Variants in ARMC6 observed in about 807,000 individuals in gnomAD.
ARMC6 encodes the protein armadillo repeat-containing protein 6.
In ARMC6, 43 loss-of-function variants were observed where a neutral mutation model predicts 49.2. That is an observed-to-expected ratio of 0.87 (90% confidence interval 0.69 to 1.13). ARMC6 has a LOEUF of 1.13. Among genes scored for constraint, ARMC6 ranks in the 50% most tolerant of loss-of-function variants. ARMC6 has a pLI of 0.00. For synonymous variants in ARMC6, 262 were observed against 289.6 expected (o/e 0.90, Z 0.97); for missense variants, 627 against 682.0 (o/e 0.92, Z 0.90).
rs2059541228 is a variant in ARMC6, at chr19:19,055,970, ATG to A, written c.1293+45_1293+46del. 1 of 1,582,330 alleles carries A rather than the reference ATG, an allele frequency of 6.3e-7. No individual in the cohort carries two copies. The highest frequency in any genetic ancestry group is 1.1e-5 in the South Asian group (1 of 89,020). ...ATGGGGGCAGGCAGGCTGGTGTGGG[ATG>A]TGCAGGTAGGTGCAGAGAGGGCATG... is the stretch of plus-strand genomic sequence containing the variant. On this transcript the variant is annotated intron_variant, in intron 8 of 8. Coordinates refer to ENST00000535612, the MANE Select transcript of ARMC6 (RefSeq NM_001199196.2). This position sits in a 1 kb window ranked among gnomAD's most constrained non-coding sequence, Gnocchi z 5.7.
At chr19:19,054,411 C>G (rs1363047092) in intron 6 of ARMC6, 90 bp downstream of exon 6, 1 of 1,319,708 alleles carries the variant, frequency 7.6e-7, no homozygotes, top group African/African-American at 1.5e-5. Context: ...GCCCTGCCTG[C>G]CAGTGTCGGA....
chr19:19,052,912 C>G (rs1252197683), intron 5 of ARMC6, among the ~76,000 whole-genome samples: 1 of 152,212 alleles, frequency 6.6e-6, no homozygotes, highest in East Asian at 1.9e-4. Flanking sequence ...TCCCGACCTT[C>G]TGCAAAGTCA....
rs1331329589 is a variant in ARMC6, at chr19:19,052,116, C to T, written c.774C>T (p.Pro258=). 4 of 1,613,918 alleles carry T rather than the reference C, an allele frequency of 2.5e-6. No individual in the cohort carries two copies. Among genetic ancestry groups the T allele is most frequent in the Non-Finnish European group, 3.4e-6 (4 of 1,180,038 alleles). ...VMTFDDDIRV[P]FGHAHNHAKM... is the part of the protein sequence containing the mutation. ...CCTTCGATGACGACATCCGTGTGCCCTTTGGCCATGCCCACAACCATGCCA... is the reference window on the plus strand; with the variant it reads ...CCTTCGATGACGACATCCGTGTGCCTTTTGGCCATGCCCACAACCATGCCA... Residue 258 remains proline, a synonymous_variant, in exon 5 of 9, where the codon CCC becomes CCT. Coordinates refer to ENST00000535612, the MANE Select transcript of ARMC6 (RefSeq NM_001199196.2).
In ARMC6 at chr19:19,055,480, C is replaced by T. The variant is rs554420215; in HGVS notation, c.1155+84C>T. ...TTCTGTATCTGCATGAAGCTCTATT[C>T]CCCTGCAGGGCCAGGGCAGGGCTGG... On this transcript the variant is annotated intron_variant, in intron 7 of 8. Coordinates refer to ENST00000535612, the MANE Select transcript of ARMC6 (RefSeq NM_001199196.2). The surrounding 1 kb of genome is among the most constrained non-coding windows in gnomAD (Gnocchi z 5.7). 7.2e-5 allele frequency: 108 copies of T among 1,503,068 alleles called. No individual in the cohort carries two copies. The South Asian group carries it at 1.3e-3, about 18-fold the overall frequency. 93.1% of individuals were successfully genotyped at this position (1,503,068 alleles called of 1,614,324 possible).
chr19:19,045,796 C>T (rs997903817), intron 4 of ARMC6, among the ~76,000 whole-genome samples: 14 of 151,910 alleles, frequency 9.2e-5, no homozygotes, highest in Admixed American at 7.9e-4. Context: ...GGACTACAGG[C>T]GCCCGCCACC....
At chr19:19,056,366 A>C (rs1300953532) in intron 8 of ARMC6, among the ~76,000 whole-genome samples, 1 of 149,694 alleles carries the variant, frequency 6.7e-6, no homozygotes, top group Non-Finnish European at 1.5e-5. Flanking sequence ...GGTTCAAGCG[A>C]TTCTCCTGTC....
In ARMC6 at chr19:19,043,878, A is replaced by G. The variant is rs554222137; in HGVS notation, c.197-114A>G. On this transcript the variant is annotated intron_variant, in intron 3 of 8. Transcript: ENST00000535612. Reference sequence around the variant, plus strand: ...GAATAGGGAGGTGGGAGGCTTCTGGAGTGGGGTGGTCCCAGCAGAAGGGTC... The same window carrying G: ...GAATAGGGAGGTGGGAGGCTTCTGGGGTGGGGTGGTCCCAGCAGAAGGGTC... 2.2e-5 allele frequency: 19 copies of G among 880,242 alleles called. No individual in the cohort carries two copies. In the African/African-American group the frequency reaches 2.6e-4, roughly 12 times the overall value. The allele number at this position is 880,242 out of a possible 1,614,324, so 54.5% of individuals were successfully genotyped here. A position where few individuals can be genotyped will look rare whatever the true frequency, so the allele number is the denominator to read the frequency against.
At chr19:19,043,939 A>G in intron 3 of ARMC6, 53 bp from the exon 4 acceptor site, 2 of 1,544,254 alleles carry the variant, frequency 1.3e-6, no homozygotes, top group Non-Finnish European at 1.8e-6. Context: ...CGGGGATGAC[A>G]GCTGTCACTT....
At chr19:19,044,386 T>C (rs1464534480) in intron 4 of ARMC6, among the ~76,000 whole-genome samples, 2 of 152,158 alleles carry the variant, frequency 1.3e-5, no homozygotes, top group Non-Finnish European at 2.9e-5. Flanking sequence ...CAGAGACAGA[T>C]GGTCAGGACT....
chr19:19,040,370 ATCC>A (rs527251456), intron 2 of ARMC6, among the ~76,000 whole-genome samples: 128 of 152,186 alleles, frequency 8.4e-4, no homozygotes, highest in Middle Eastern at 3.4e-3. Context: ...ACTTTTCCTC[ATCC>A]TCTTTTTATA....
At chr19:19,040,775 A>G (rs2059405982) in intron 2 of ARMC6, 1 of 445,776 alleles carries the variant, frequency 2.2e-6, no homozygotes, top group Non-Finnish European at 4.5e-6. Flanking sequence ...GGTCTCCCTG[A>G]TTGCTGGGAT....
intron 4 of ARMC6, among the ~76,000 whole-genome samples, chr19:19,046,001 C>T (rs2059447533): frequency 6.6e-6 from 1 of 152,054 alleles, no homozygotes; most frequent in Non-Finnish European, 1.5e-5. Context: ...CTCAGCCCAT[C>T]TTGCTGGTGA....
rs762361869 is a variant in ARMC6 at position 19,044,010 on chromosome 19, T to C, written c.215T>C (p.Ile72Thr). 6 of 1,614,060 alleles carry C rather than the reference T, an allele frequency of 3.7e-6. No individual in the cohort carries two copies. The highest frequency in any genetic ancestry group is 5.1e-6 in the Non-Finnish European group (6 of 1,179,954). The change falls in exon 4 of 9, where the codon ATT (isoleucine) becomes ACT (threonine). Residue 72 changes from isoleucine (I) to threonine (T), a missense_variant. By Grantham distance (89) the Ile-to-Thr change is moderately conservative. Transcript: ENST00000535612. ...CCAACAGGGGTTGATCTGAGCAACA[T>C]TGTAAAGACGGCACCTAAAGTCTCT... ...FESQGVDLSNIVKTAPKVSAD... is the reference protein window; with the variant it reads ...FESQGVDLSNTVKTAPKVSAD...
chr19:19,037,519 C>T (rs2059380400), intron 2 of ARMC6: 1 of 555,618 alleles, frequency 1.8e-6, no homozygotes, highest in Middle Eastern at 4.6e-4. Flanking sequence ...GGTGCATGCT[C>T]CCACACCTGG....
chr19:19,042,612 C>T (rs1042061302), intron 2 of ARMC6, 99 bp from the exon 3 acceptor site: 41 of 1,264,286 alleles, frequency 3.2e-5, no homozygotes, highest in African/African-American at 4.4e-5. Flanking sequence ...GGGCTCTGGT[C>T]GCTGGTAGAT....
chr19:19,048,190 A>G (rs1044399555), intron 4 of ARMC6, among the ~76,000 whole-genome samples: 39 of 152,174 alleles, frequency 2.6e-4, no homozygotes, highest in Admixed American at 2.5e-3. Flanking sequence ...TACTAAAAAT[A>G]CAAAAATTAA....
At chr19:19,044,509 G>GTGTC (rs1437962962) in intron 4 of ARMC6, among the ~76,000 whole-genome samples, 1 of 152,254 alleles carries the variant, frequency 6.6e-6, no homozygotes, top group African/African-American at 2.4e-5. Context: ...GAAGTAGGTG[G>GTGTC]TGTCATTCCT....
intron 4 of ARMC6, among the ~76,000 whole-genome samples, chr19:19,050,626 T>C (rs1054359298): frequency 6.6e-6 from 1 of 152,252 alleles, no homozygotes; most frequent in Admixed American, 6.5e-5. Context: ...ATTCTAGTCA[T>C]GCACACTGGT....
chr19:19,057,116 C>G (rs545525743), intron 8 of ARMC6, among the ~76,000 whole-genome samples: 1 of 152,366 alleles, frequency 6.6e-6, no homozygotes, highest in South Asian at 2.1e-4. Context: ...CCTTCCTTGG[C>G]TCTGTGCCAG....
Sources: gnomAD v4.1 joint callset for allele counts (sites outside exome capture counted in the v4.1 genomes callset) on GRCh38, gnomAD v4.1.1 for gene constraint, Gnocchi (gnomAD v3.1) non-coding constraint, MANE v1.5 for transcripts, NCBI Gene and HGNC (gene_info 2026-07-23, HGNC 2026-07-21) for gene names.